EBF1: variants seen among roughly 807,000 people sequenced by gnomAD.
The protein encoded by EBF1 is EBF transcription factor 1.
In EBF1, 10 loss-of-function variants were observed where a neutral mutation model predicts 68.4. That is an observed-to-expected ratio of 0.15 (90% confidence interval 0.09 to 0.25). The LOEUF is 0.25. EBF1 is among the 10% of genes least tolerant of loss of function. The probability of loss-of-function intolerance (pLI) is 1.00; values close to 1 mark genes in which losing one functional copy is unlikely to be tolerated. For missense variants in EBF1, 509 were observed against 794.4 expected, an observed-to-expected ratio of 0.64 and a Z score of 4.32; for synonymous variants, 298 against 299.8, an observed-to-expected ratio of 0.99 and a Z score of 0.06.
At chr5:158,817,733 C>T (rs1027317358) in intron 8 of EBF1, among the ~76,000 whole-genome samples, 1 of 152,150 alleles carries the variant, frequency 6.6e-6, no homozygotes, top group African/African-American at 2.4e-5. Context: ...TTTGTGGTCC[C>T]CCTTTGATGC....
At chr5:158,790,405 C>G (rs1478703807) in intron 9 of EBF1, among the ~76,000 whole-genome samples, 1 of 152,138 alleles carries the variant, frequency 6.6e-6, no homozygotes, top group Non-Finnish European at 1.5e-5. Context: ...AGTCCAACCA[C>G]TTTGTGATTG....
intron 10 of EBF1, among the ~76,000 whole-genome samples, chr5:158,744,722 C>A (rs1388778904): frequency 6.6e-6 from 1 of 152,208 alleles, no homozygotes; most frequent in Non-Finnish European, 1.5e-5. Context: ...GGAGGACACT[C>A]AGTCCCAGAT....
chr5:158,759,556 GA>G (rs1187558199), intron 10 of EBF1, among the ~76,000 whole-genome samples: 3 of 152,154 alleles, frequency 2.0e-5, no homozygotes, highest in Non-Finnish European at 4.4e-5. Context: ...GAGCGCTGGG[GA>G]AAGTCCACAG....
chr5:158,844,237 C>T (rs1242647524), intron 6 of EBF1, among the ~76,000 whole-genome samples: 3 of 138,314 alleles, frequency 2.2e-5, no homozygotes, highest in South Asian at 4.8e-4. Context: ...ACGAGAAACT[C>T]GACATCTTTC....
intron 6 of EBF1, among the ~76,000 whole-genome samples, chr5:158,996,407 A>G (rs1472130757): frequency 7.9e-5 from 12 of 152,198 alleles, no homozygotes; most frequent in Admixed American, 7.2e-4. Flanking sequence ...AACCATAAAG[A>G]TTGTTGTCTA....
chr5:158,740,249 T>A (rs1766038724), intron 10 of EBF1, among the ~76,000 whole-genome samples: 1 of 152,060 alleles, frequency 6.6e-6, no homozygotes, highest in Admixed American at 6.5e-5. Flanking sequence ...CAGCACCGAG[T>A]CAGGCTCCAA....
chr5:159,023,870 G>A (rs1767201048), intron 6 of EBF1, among the ~76,000 whole-genome samples: 1 of 152,132 alleles, frequency 6.6e-6, no homozygotes. Flanking sequence ...ATGTGGAGTT[G>A]GAGGAAAGGG....
At chr5:158,992,917 CTTTTTTTTTTTTTTTTTT>C (rs148629320) in intron 6 of EBF1, among the ~76,000 whole-genome samples, 15 of 72,828 alleles carry the variant, frequency 2.1e-4, no homozygotes, top group Admixed American at 2.0e-3. Context: ...CTGTTTCTTT[CTTTTTTTTTTTTTTTTTT>C]TTTTTTTTTT....
intron 6 of EBF1, among the ~76,000 whole-genome samples, chr5:158,880,452 C>A (rs1798679278): frequency 6.6e-6 from 1 of 152,076 alleles, no homozygotes; most frequent in Non-Finnish European, 1.5e-5. Flanking sequence ...AGGTAAGATG[C>A]ACACTGTCTT....
chr5:158,921,637 A>G (rs1226864848), intron 6 of EBF1, among the ~76,000 whole-genome samples: 3 of 152,236 alleles, frequency 2.0e-5, no homozygotes. Context: ...TGCATTAATT[A>G]GTCCATGTGA....
chr5:159,088,128 A>G (rs1001850047), intron 4 of EBF1, among the ~76,000 whole-genome samples: 3 of 152,134 alleles, frequency 2.0e-5, no homozygotes, highest in Non-Finnish European at 4.4e-5. Context: ...TCCACCTCTA[A>G]CCTCATCAAA....
chr5:158,698,234 T>C lies in EBF1; in HGVS notation c.*877A>G, dbSNP rs1756051584. ...GTGGAATTCTGTGCCTGGACCCTGTTCCATGAAGTCTCAAAGGAGATTCTC... is the reference window on the plus strand; with the variant it reads ...GTGGAATTCTGTGCCTGGACCCTGTCCCATGAAGTCTCAAAGGAGATTCTC... On this transcript the variant is annotated 3_prime_UTR_variant, in exon 16 of 16. Transcript: ENST00000313708. The C allele has an allele frequency of 4.5e-6, 1 of 220,832 alleles. No individual in the cohort carries two copies. Among genetic ancestry groups the C allele is most frequent in the East Asian group, 6.5e-5 (1 of 15,270 alleles). The allele number at this position is 220,832 out of a possible 1,614,324, so 13.7% of individuals were successfully genotyped here.
At chr5:159,094,829 T>A (rs1479494767) in intron 4 of EBF1, among the ~76,000 whole-genome samples, 1 of 152,224 alleles carries the variant, frequency 6.6e-6, no homozygotes, top group Non-Finnish European at 1.5e-5. Context: ...ACTAAACTTT[T>A]TCTTAAAATT....
intron 6 of EBF1, among the ~76,000 whole-genome samples, chr5:158,909,120 A>G (rs1054696639): frequency 1.8e-4 from 7 of 39,988 alleles, no homozygotes; most frequent in Non-Finnish European, 3.2e-4. Context: ...GGGCAGCAGA[A>G]AAAAAAAAAA....
chr5:158,898,132 C>T (rs886830566), intron 6 of EBF1, among the ~76,000 whole-genome samples: 3 of 152,134 alleles, frequency 2.0e-5, no homozygotes, highest in Non-Finnish European at 4.4e-5. Context: ...GTCTTTAAAA[C>T]ATTTTTTTTA....
chr5:158,789,658 A>T (rs935201883), intron 9 of EBF1, among the ~76,000 whole-genome samples: 1 of 152,202 alleles, frequency 6.6e-6, no homozygotes, highest in Non-Finnish European at 1.5e-5. Context: ...ACCACTGTGA[A>T]GTCTCTTTTT....
At position 158,823,197 on chromosome 5, in the gene EBF1, T is replaced by C. The variant is rs1463342474; in HGVS notation, c.757A>G (p.Thr253Ala). 6.2e-7 allele frequency: 1 copy of C among 1,613,954 alleles called. No homozygotes were observed. The highest frequency in any genetic ancestry group is 2.2e-5 in the East Asian group (1 of 44,890). Residue 253 changes from threonine to alanine, a missense_variant, in exon 8 of 16, where the codon ACG becomes GCG. Coordinates refer to ENST00000313708, the MANE Select transcript of EBF1 (RefSeq NM_024007.5). ...CTACCATGTTCCAGATAAGAGGGCG[T>C]ACCTTCCGAGGGGTCAAGCCTCCGA... ...RARRLDPSEGTPSYLEHATPC... is the reference protein window; with the variant it reads ...RARRLDPSEGAPSYLEHATPC...
At chr5:158,868,207 C>T (rs1796279894) in intron 6 of EBF1, among the ~76,000 whole-genome samples, 1 of 151,740 alleles carries the variant, frequency 6.6e-6, no homozygotes, top group African/African-American at 2.4e-5. Context: ...ATTTAAATGT[C>T]TAGACAAAGA....
At chr5:158,923,250 A>T (rs1808833797) in intron 6 of EBF1, among the ~76,000 whole-genome samples, 1 of 152,236 alleles carries the variant, frequency 6.6e-6, no homozygotes, top group African/African-American at 2.4e-5. Context: ...TAAAGATTTT[A>T]ACAGCTGCCT....
Sources: gnomAD v4.1 joint callset for allele counts (sites outside exome capture counted in the v4.1 genomes callset) on GRCh38, gnomAD v4.1.1 for gene constraint, MANE v1.5 for transcripts, NCBI Gene and HGNC (gene_info 2026-07-23, HGNC 2026-07-21) for gene names.